Variants in TENM2 observed in about 807,000 individuals in gnomAD.
TENM2 encodes the protein teneurin-2.
A neutral mutation model predicts 245.2 loss-of-function variants in TENM2; 52 were observed. The observed-to-expected ratio is 0.21, with a 90% CI of 0.17 to 0.27. The LOEUF (loss-of-function observed/expected upper bound fraction) is 0.27. Ranked by LOEUF, TENM2 falls within the 10% of genes least tolerant of loss-of-function variation. The pLI is 1.00. For synonymous variants in TENM2, 1,363 were observed against 1,438.9 expected (o/e 0.95, Z 1.19); for missense variants, 3,046 against 3,666.8 (o/e 0.83, Z 4.37).
chr5:168,089,637 C>T (rs1171876910), intron 7 of TENM2, among the ~76,000 whole-genome samples: 3 of 152,148 alleles, frequency 2.0e-5, no homozygotes, highest in African/African-American at 7.2e-5. Context: ...AACATAAACA[C>T]CAAGCCAATC....
the TENM2 span, among the ~76,000 whole-genome samples, chr5:167,171,023 G>T: frequency 6.6e-6 from 1 of 152,136 alleles, no homozygotes; most frequent in African/African-American, 2.4e-5. Context: ...CCACAGCTCT[G>T]TCGTGGGTCT....
the TENM2 span, among the ~76,000 whole-genome samples, chr5:167,088,348 C>G: frequency 1.3e-5 from 2 of 152,016 alleles, no homozygotes; most frequent in African/African-American, 4.8e-5. Context: ...AGAAAGTGTT[C>G]GGGCGCGGTG....
the TENM2 span, among the ~76,000 whole-genome samples, chr5:167,002,951 A>G: frequency 8.7e-4 from 133 of 152,124 alleles, no homozygotes; most frequent in African/African-American, 3.0e-3. Flanking sequence ...CAATTAATAT[A>G]TTTAAAATTA....
At chr5:168,069,348 A>G (rs1156949861) in intron 7 of TENM2, among the ~76,000 whole-genome samples, 4 of 152,240 alleles carry the variant, frequency 2.6e-5, no homozygotes, top group Non-Finnish European at 5.9e-5. Flanking sequence ...AGATCTTTGC[A>G]AAAATTAATG....
At position 168,218,066 on chromosome 5, in the gene TENM2, C is replaced by T. The variant is rs915795880; in HGVS notation, c.4234-59C>T. 31 of 1,544,416 alleles carry T rather than the reference C, an allele frequency of 2.0e-5. No individual in the cohort carries two copies. The highest frequency in any genetic ancestry group is 1.1e-4 in the East Asian group (5 of 44,200). On this transcript the variant is annotated intron_variant, in intron 22 of 28. Coordinates refer to ENST00000518659, the Ensembl canonical transcript of TENM2. This position sits in a 1 kb window ranked among gnomAD's most constrained non-coding sequence, Gnocchi z 5.2. ...ATATATAAAACCAGTAAGTGCCGTA[C>T]GGTTAAACGTTGGACATATTAAAGG...
At chr5:167,251,652 C>T in the TENM2 span, among the ~76,000 whole-genome samples, 1 of 152,138 alleles carries the variant, frequency 6.6e-6, no homozygotes, top group South Asian at 2.1e-4. Flanking sequence ...GTGTCTGGGC[C>T]CACTTTATCT....
chr5:167,350,286 A>G (rs1170523907), intron 1 of TENM2, among the ~76,000 whole-genome samples: 1 of 152,038 alleles, frequency 6.6e-6, no homozygotes, highest in Non-Finnish European at 1.5e-5. Flanking sequence ...GGAAGTCAAT[A>G]ATTTATTTTT....
intron 1 of TENM2, among the ~76,000 whole-genome samples, chr5:167,306,790 T>A (rs953241498): frequency 9.2e-5 from 14 of 152,200 alleles, no homozygotes; most frequent in Admixed American, 7.9e-4. Context: ...ACCCTCTTTC[T>A]CTAACACAGA....
chr5:168,114,850 A>G (rs6555783), intron 9 of TENM2, among the ~76,000 whole-genome samples: 108,702 of 152,060 alleles, frequency 0.71, 38,983 homozygotes, highest in Non-Finnish European at 0.74. Flanking sequence ...TATTTTTTAT[A>G]TTTTTCACTG....
the TENM2 span, among the ~76,000 whole-genome samples, chr5:167,202,173 C>T: frequency 1.3e-5 from 2 of 152,148 alleles, no homozygotes; most frequent in Admixed American, 6.6e-5. Flanking sequence ...TTCTTGGATT[C>T]TATAAATTTC....
intron 3 of TENM2, among the ~76,000 whole-genome samples, chr5:167,919,257 C>T (rs1357317387): frequency 6.6e-6 from 1 of 152,186 alleles, no homozygotes; most frequent in African/African-American, 2.4e-5. Context: ...TTTGCACCGC[C>T]ATCCGCCTAC....
chr5:167,357,154 G>A (rs1331444846), intron 1 of TENM2, among the ~76,000 whole-genome samples: 1 of 152,142 alleles, frequency 6.6e-6, no homozygotes. Context: ...TCTGAAAATA[G>A]TAGAAATTTG....
At position 167,465,898 on chromosome 5, in the gene TENM2, G is replaced by T. The variant is rs567231696; in HGVS notation, c.502+90425G>T. Among the ~76,000 whole-genome samples the T allele has an allele frequency of 5.6e-4, 86 of 152,238 alleles. 1 individual carries two copies. The highest frequency in any genetic ancestry group is 1.9e-3 in the African/African-American group (79 of 41,560). The stretch of plus-strand genomic sequence containing the variant: ...AACTACACTATGAGAAACCTGGGAT[G>T]TATGGGATGTATCAGTATCTGCCTT... On this transcript the variant is annotated intron_variant, in intron 2 of 28. Coordinates refer to ENST00000518659, the Ensembl canonical transcript of TENM2.
At chr5:167,217,941 A>G in the TENM2 span, among the ~76,000 whole-genome samples, 1 of 151,960 alleles carries the variant, frequency 6.6e-6, no homozygotes, top group East Asian at 1.9e-4. Context: ...CCCAGGTCTC[A>G]ATCTTCACAG....
intron 25 of TENM2, chr5:168,240,876 G>A (rs1487027351): frequency 1.3e-5 from 2 of 152,110 alleles, no homozygotes; most frequent in African/African-American, 4.8e-5. Flanking sequence ...ACAAAATGTT[G>A]GAGAGGTCTT....
intron 2 of TENM2, among the ~76,000 whole-genome samples, chr5:167,490,246 T>C (rs1768340578): frequency 6.6e-6 from 1 of 152,180 alleles, no homozygotes; most frequent in Non-Finnish European, 1.5e-5. Flanking sequence ...ACACAATGCA[T>C]ATAATAAGTT....
At chr5:167,026,545 A>G in the TENM2 span, among the ~76,000 whole-genome samples, 5 of 152,176 alleles carry the variant, frequency 3.3e-5, no homozygotes, top group South Asian at 2.1e-4. Context: ...AAGTATGCCA[A>G]TGAATCCACC....
In TENM2 at chr5:167,471,189, T is replaced by C. The variant is rs567839122; in HGVS notation, c.502+95716T>C. On this transcript the variant is annotated intron_variant, in intron 2 of 28. Coordinates refer to ENST00000518659, the Ensembl canonical transcript of TENM2. ...TTATGACATGCCCTTGCTTCCCATCTCTACATATTCATGAGAATTCTTCCT... is the reference window on the plus strand; with the variant it reads ...TTATGACATGCCCTTGCTTCCCATCCCTACATATTCATGAGAATTCTTCCT... Among the ~76,000 whole-genome samples, 353 of 152,310 alleles carry C rather than the reference T, an allele frequency of 2.3e-3. 1 individual carries two copies. Among genetic ancestry groups the C allele is most frequent in the African/African-American group, 8.1e-3 (336 of 41,554 alleles).
chr5:167,564,108 A>G (rs1472237248), intron 2 of TENM2, among the ~76,000 whole-genome samples: 1 of 152,234 alleles, frequency 6.6e-6, no homozygotes, highest in Admixed American at 6.5e-5. Flanking sequence ...CGAGTCAGAC[A>G]GTGACCAAAA....
Sources: gnomAD v4.1 joint callset for allele counts (sites outside exome capture counted in the v4.1 genomes callset) on GRCh38, gnomAD v4.1.1 for gene constraint, Gnocchi (gnomAD v3.1) non-coding constraint, MANE v1.5 for transcripts, NCBI Gene and HGNC (gene_info 2026-07-23, HGNC 2026-07-21) for gene names.